Variants in APLF observed in about 807,000 individuals in gnomAD.
The protein encoded by APLF is aprataxin and PNKP like factor, also known as aprataxin and PNK-like factor.
APLF carries 61 observed loss-of-function variants against 55.6 expected under a neutral mutation model. The observed-to-expected ratio is 1.10, with a 90% CI of 0.89 to 1.36. The LOEUF (loss-of-function observed/expected upper bound fraction) is 1.36. Ranked by LOEUF, APLF falls within the 40% of genes most tolerant of loss-of-function variation. The probability of loss-of-function intolerance (pLI) is 0.00; values close to 1 mark genes in which losing one functional copy is unlikely to be tolerated. For synonymous variants in APLF, 207 were observed against 214.8 expected (o/e 0.96, Z 0.32); for missense variants, 611 against 602.5 (o/e 1.01, Z -0.15).
At chr2:68,522,594 A>G (rs550632812) in intron 5 of APLF, among the ~76,000 whole-genome samples, 207 of 151,642 alleles carry the variant, frequency 1.4e-3, no homozygotes, top group African/African-American at 4.9e-3. Flanking sequence ...TCTTCATGGA[A>G]CTCTCCTGAT....
Position 68,579,687 on chromosome 2 carries a change from C to G in APLF, c.*1665C>G, listed in dbSNP as rs1319127612. 6.5e-6 allele frequency: 1 copy of G among 154,198 alleles called. No homozygotes were observed. The highest frequency in any genetic ancestry group is 2.1e-4 in the South Asian group (1 of 4,858). 9.6% of individuals were successfully genotyped at this position (154,198 alleles called of 1,614,324 possible). ...GAAGGCAAGTAAAAGAAGCCAGACACAAAAGGCCACATACTGTATGAACTC... is the reference window on the plus strand; with the variant it reads ...GAAGGCAAGTAAAAGAAGCCAGACAGAAAAGGCCACATACTGTATGAACTC... On this transcript the variant is annotated 3_prime_UTR_variant, in exon 10 of 10. Coordinates refer to ENST00000303795, the MANE Select transcript of APLF (RefSeq NM_173545.3).
intron 1 of APLF, among the ~76,000 whole-genome samples, chr2:68,475,329 G>A (rs1310030614): frequency 6.6e-6 from 1 of 152,184 alleles, no homozygotes; most frequent in Non-Finnish European, 1.5e-5. Flanking sequence ...CATCATGATA[G>A]TCAGCACAAT....
At chr2:68,517,315 T>G (rs533000049) in intron 5 of APLF, among the ~76,000 whole-genome samples, 69 of 121,766 alleles carry the variant, frequency 5.7e-4, no homozygotes, top group African/African-American at 2.3e-3. Context: ...ATATAATATA[T>G]TAATATATGT....
chr2:68,556,021 A>G (rs954370022), intron 8 of APLF, among the ~76,000 whole-genome samples: 1 of 152,240 alleles, frequency 6.6e-6, no homozygotes, highest in African/African-American at 2.4e-5. Context: ...CTCAACTGTA[A>G]GAAGGAATGA....
chr2:68,482,734 C>T (rs1045489868), intron 1 of APLF, among the ~76,000 whole-genome samples: 17 of 152,074 alleles, frequency 1.1e-4, no homozygotes, highest in African/African-American at 3.6e-4. Flanking sequence ...GGAGTATGTC[C>T]GCCTAGGGTG....
chr2:68,528,376 C>T, intron 6 of APLF: 1 of 1,533,782 alleles, frequency 6.5e-7, no homozygotes, highest in Non-Finnish European at 8.7e-7. Flanking sequence ...GACCCACCAA[C>T]AGTGCCTCAG....
chr2:68,540,353 T>A (rs1323201455), intron 7 of APLF, among the ~76,000 whole-genome samples: 1 of 152,228 alleles, frequency 6.6e-6, no homozygotes, highest in Non-Finnish European at 1.5e-5. Flanking sequence ...TTGTTTTTTA[T>A]GGCTGCATAA....
chr2:68,551,730 G>C (rs1186158204), intron 8 of APLF, among the ~76,000 whole-genome samples: 1 of 140,272 alleles, frequency 7.1e-6, no homozygotes, highest in Non-Finnish European at 1.5e-5. Flanking sequence ...TCTTATTTAT[G>C]AACCAACATT....
intron 9 of APLF, among the ~76,000 whole-genome samples, chr2:68,567,689 A>G (rs1166220449): frequency 2.0e-5 from 3 of 152,088 alleles, no homozygotes; most frequent in Non-Finnish European, 4.4e-5. Context: ...TTCTGTAACT[A>G]AAACGTCCAG....
At chr2:68,553,352 T>C (rs1327341275) in intron 8 of APLF, among the ~76,000 whole-genome samples, 3 of 152,170 alleles carry the variant, frequency 2.0e-5, no homozygotes, top group African/African-American at 7.2e-5. Context: ...ACATACTTAA[T>C]AGATTTATTT....
At chr2:68,518,756 A>T (rs1211376165) in intron 5 of APLF, among the ~76,000 whole-genome samples, 126 of 120,844 alleles carry the variant, frequency 1.0e-3, no homozygotes, top group Middle Eastern at 0.012. Flanking sequence ...TTAATATATA[A>T]TAAAATATTA....
chr2:68,516,919 CAT>C (rs1220636953), intron 5 of APLF, among the ~76,000 whole-genome samples: 28 of 120,090 alleles, frequency 2.3e-4, no homozygotes, highest in Non-Finnish European at 3.6e-4. Context: ...TCCTATATAA[CAT>C]TATATATAAT....
At chr2:68,496,963 G>T (rs898769744) in intron 2 of APLF, among the ~76,000 whole-genome samples, 3 of 152,290 alleles carry the variant, frequency 2.0e-5, no homozygotes, top group Non-Finnish European at 4.4e-5. Flanking sequence ...ACTGCTGCCT[G>T]TTAGGGAGTT....
intron 8 of APLF, among the ~76,000 whole-genome samples, chr2:68,551,009 A>G (rs1481907193): frequency 1.3e-5 from 2 of 152,000 alleles, no homozygotes; most frequent in African/African-American, 4.8e-5. Flanking sequence ...AGTTTTAAAA[A>G]CTTCTTTGCG....
In APLF at chr2:68,578,564, G is replaced by T; in HGVS notation, c.*542G>T. The T allele has an allele frequency of 1.0e-6, 1 of 985,590 alleles. No individual in the cohort carries two copies. Among genetic ancestry groups the T allele is most frequent in the South Asian group, 4.7e-5 (1 of 21,292 alleles). 61.1% of individuals were successfully genotyped at this position (985,590 alleles called of 1,614,324 possible). ...ACTTTTATCCTTCAAAACTTGGGAA[G>T]ATTGGTTCCAAATGGGTACTGAAAA... On this transcript the variant is annotated 3_prime_UTR_variant, in exon 10 of 10. Coordinates refer to ENST00000303795, the MANE Select transcript of APLF (RefSeq NM_173545.3).
chr2:68,567,801 G>A (rs1671348208), intron 9 of APLF, among the ~76,000 whole-genome samples: 1 of 151,958 alleles, frequency 6.6e-6, no homozygotes, highest in African/African-American at 2.4e-5. Context: ...TCTTTAGAGG[G>A]GTCATTATCA....
In APLF at chr2:68,488,387, G is replaced by A. The variant is rs547378766; in HGVS notation, c.97-1803G>A. The stretch of plus-strand genomic sequence containing the variant: ...ACCGTGTCCCCCAGGCTGGCATGCA[G>A]TGGCACGATCATGGCTCATTGCAAC... On this transcript the variant is annotated intron_variant, in intron 1 of 9. Coordinates refer to ENST00000303795, the MANE Select transcript of APLF (RefSeq NM_173545.3). Among the ~76,000 whole-genome samples, 56 of 147,926 alleles carry A rather than the reference G, an allele frequency of 3.8e-4. No homozygotes were observed. In the Middle Eastern group the frequency reaches 0.014, roughly 37 times the overall value.
chr2:68,512,733 C>A (rs946276553), intron 3 of APLF, among the ~76,000 whole-genome samples: 4 of 151,746 alleles, frequency 2.6e-5, no homozygotes, highest in African/African-American at 9.7e-5. Context: ...GATGCCCTTG[C>A]AGTTTACATT....
At chr2:68,496,500 C>T (rs1234341248) in intron 2 of APLF, among the ~76,000 whole-genome samples, 3 of 152,184 alleles carry the variant, frequency 2.0e-5, no homozygotes, top group African/African-American at 7.2e-5. Context: ...TATTTCTCTG[C>T]CACGTGGCTA....
Sources: gnomAD v4.1 joint callset for allele counts (sites outside exome capture counted in the v4.1 genomes callset) on GRCh38, gnomAD v4.1.1 for gene constraint, MANE v1.5 for transcripts, NCBI Gene and HGNC (gene_info 2026-07-23, HGNC 2026-07-21) for gene names.